Variants in LSAMP observed in about 807,000 individuals in gnomAD.
LSAMP encodes limbic system-associated membrane protein.
Under a neutral mutation model 38.6 loss-of-function variants are expected in LSAMP, and 7 were observed. The observed-to-expected ratio is 0.18, with a 90% CI of 0.10 to 0.34. The LOEUF is 0.34. LSAMP is among the 10% of genes least tolerant of loss of function. The pLI is 1.00. For missense variants in LSAMP, 313 were observed against 420.0 expected, an observed-to-expected ratio of 0.75 and a Z score of 2.23; for synonymous variants, 154 against 166.8, an observed-to-expected ratio of 0.92 and a Z score of 0.59.
intron 1 of LSAMP, among the ~76,000 whole-genome samples, chr3:116,333,276 C>A (rs935650117): frequency 8.6e-5 from 13 of 152,008 alleles, no homozygotes; most frequent in African/African-American, 3.1e-4. Flanking sequence ...TGTGGTGGCT[C>A]ACACCTGTAA....
intron 2 of LSAMP, among the ~76,000 whole-genome samples, chr3:116,083,260 T>A (rs1309944629): frequency 1.3e-5 from 2 of 152,214 alleles, no homozygotes; most frequent in Non-Finnish European, 2.9e-5. Flanking sequence ...GTATTTGTCA[T>A]CATCATCAAC....
intron 1 of LSAMP, among the ~76,000 whole-genome samples, chr3:116,370,955 TAC>T (rs2048422708): frequency 6.6e-6 from 1 of 152,158 alleles, no homozygotes; most frequent in Non-Finnish European, 1.5e-5. Flanking sequence ...GAAAATTGTA[TAC>T]CAGCAAATTG....
intron 3 of LSAMP, among the ~76,000 whole-genome samples, chr3:115,880,415 C>A (rs1186278857): frequency 6.6e-6 from 1 of 152,014 alleles, no homozygotes; most frequent in South Asian, 2.1e-4. Flanking sequence ...TTTTGTTTTG[C>A]CTTTTGTCAG....
intron 3 of LSAMP, among the ~76,000 whole-genome samples, chr3:115,900,643 A>T (rs1468257440): frequency 6.6e-6 from 1 of 152,148 alleles, no homozygotes; most frequent in Non-Finnish European, 1.5e-5. Context: ...TCATGAAAGG[A>T]TGGAAGGGTA....
intron 2 of LSAMP, among the ~76,000 whole-genome samples, chr3:116,050,330 C>T (rs1442536183): frequency 1.3e-5 from 2 of 152,060 alleles, no homozygotes; most frequent in African/African-American, 4.8e-5. Flanking sequence ...TTACTAGCCC[C>T]AGAGCACTGC....
chr3:116,098,063 G>A lies in LSAMP; in HGVS notation c.156-11507C>T, dbSNP rs947333266. On this transcript the variant is annotated intron_variant, in intron 1 of 6. Transcript: ENST00000490035. ...AGTCTTTATTTTTGAAATATATTTT[G>A]TGGAAACAAATGTGAAATAGGGGAC... Among the ~76,000 whole-genome samples the A allele has an allele frequency of 4.6e-5, 7 of 151,276 alleles. 1 individual carries two copies. Among genetic ancestry groups the A allele is most frequent in the Admixed American group, 2.6e-4 (4 of 15,148 alleles).
chr3:115,924,893 A>G (rs1937463534), intron 3 of LSAMP, among the ~76,000 whole-genome samples: 2 of 152,180 alleles, frequency 1.3e-5, no homozygotes, highest in African/African-American at 4.8e-5. Flanking sequence ...CTACACTTTG[A>G]CAGGCCCTGC....
chr3:115,911,990 G>C (rs1015232915), intron 3 of LSAMP, among the ~76,000 whole-genome samples: 1 of 152,068 alleles, frequency 6.6e-6, no homozygotes, highest in African/African-American at 2.4e-5. Flanking sequence ...GAAATGGTTG[G>C]TTCTTTTGTC....
rs34933256 is a variant in LSAMP at position 115,810,245 on chromosome 3, GTC to G, written c.*70_*71del. 2.2e-3 allele frequency: 1,829 copies of G among 818,082 alleles called. No homozygotes were observed. The highest frequency in any genetic ancestry group is 3.1e-3 in the South Asian group (164 of 52,492). The allele number at this position is 818,082 out of a possible 1,614,324, so 50.7% of individuals were successfully genotyped here. A position where few individuals can be genotyped will look rare whatever the true frequency, so the allele number is the denominator to read the frequency against. ...CATCTCTCTCTCTCTCTCTCTCTCT[GTC>G]TCTCTCTCTCTGTATTCTGTGTGAC... On this transcript the variant is annotated 3_prime_UTR_variant, in exon 7 of 7. Coordinates refer to ENST00000490035, the MANE Select transcript of LSAMP (RefSeq NM_002338.5).
At chr3:116,170,558 T>C (rs1376112387) in intron 1 of LSAMP, among the ~76,000 whole-genome samples, 6 of 152,196 alleles carry the variant, frequency 3.9e-5, no homozygotes, top group Non-Finnish European at 8.8e-5. Flanking sequence ...AGAGCTAGCA[T>C]ACCAGCCTCT....
chr3:115,855,988 A>G (rs750888947), intron 3 of LSAMP, among the ~76,000 whole-genome samples: 6 of 152,008 alleles, frequency 3.9e-5, no homozygotes, highest in Non-Finnish European at 8.8e-5. Flanking sequence ...CATTATCTCT[A>G]CTGCTTCACT....
intron 1 of LSAMP, among the ~76,000 whole-genome samples, chr3:116,210,188 T>G (rs1420065485): frequency 6.6e-6 from 1 of 152,194 alleles, no homozygotes; most frequent in Non-Finnish European, 1.5e-5. Context: ...ATTTTGATGG[T>G]TAATATTGAT....
At chr3:116,275,854 G>A (rs1017813728) in intron 1 of LSAMP, among the ~76,000 whole-genome samples, 2 of 152,200 alleles carry the variant, frequency 1.3e-5, no homozygotes, top group Non-Finnish European at 2.9e-5. Flanking sequence ...GGTAGAAGAT[G>A]TAGTAAGTGA....
chr3:116,166,139 A>G (rs17642477), intron 1 of LSAMP, among the ~76,000 whole-genome samples: 10,241 of 152,272 alleles, frequency 0.067, 400 homozygotes, highest in Middle Eastern at 0.16. Flanking sequence ...GAATCAATGA[A>G]TGAATGATTG....
chr3:116,171,868 C>A (rs1710208531), intron 1 of LSAMP, among the ~76,000 whole-genome samples: 1 of 151,974 alleles, frequency 6.6e-6, no homozygotes, highest in Admixed American at 6.6e-5. Flanking sequence ...CAAACAGTGA[C>A]CAGTTCATTG....
chr3:116,233,618 C>T (rs1210419591), intron 1 of LSAMP, among the ~76,000 whole-genome samples: 1 of 151,920 alleles, frequency 6.6e-6, no homozygotes, highest in Non-Finnish European at 1.5e-5. Flanking sequence ...TCTTTATCCC[C>T]CTCTCCCTAC....
chr3:116,169,486 C>G (rs1368516283), intron 1 of LSAMP, among the ~76,000 whole-genome samples: 1 of 152,162 alleles, frequency 6.6e-6, no homozygotes, highest in Non-Finnish European at 1.5e-5. Context: ...GCTTCCCTCC[C>G]ATTCACATTC....
intron 3 of LSAMP, among the ~76,000 whole-genome samples, chr3:115,927,849 A>G (rs531883430): frequency 6.6e-6 from 1 of 152,262 alleles, no homozygotes; most frequent in East Asian, 1.9e-4. Context: ...CTTTGACAAC[A>G]CCATTTAAAG....
At chr3:115,823,309 C>G (rs543995565) in intron 6 of LSAMP, among the ~76,000 whole-genome samples, 2 of 152,260 alleles carry the variant, frequency 1.3e-5, no homozygotes, top group East Asian at 3.9e-4. Context: ...TGGAGAGCAC[C>G]CTGGCCCAGG....
Sources: gnomAD v4.1 joint callset for allele counts (sites outside exome capture counted in the v4.1 genomes callset) on GRCh38, gnomAD v4.1.1 for gene constraint, MANE v1.5 for transcripts, NCBI Gene and HGNC (gene_info 2026-07-23, HGNC 2026-07-21) for gene names.